Variants in TCF7L2 observed in about 807,000 individuals in gnomAD.
The protein encoded by TCF7L2 is transcription factor 7-like 2.
Under a neutral mutation model 77.9 loss-of-function variants are expected in TCF7L2, and 23 were observed. The ratio of observed to expected loss-of-function variants is 0.30; its 90% confidence interval spans 0.21 to 0.42. TCF7L2 has a LOEUF of 0.42. TCF7L2 is among the 10% of genes least tolerant of loss of function. The pLI, the probability that TCF7L2 is intolerant of heterozygous loss-of-function variation, is 1.00. For missense variants in TCF7L2, 654 were observed against 793.1 expected (o/e 0.82, Z 2.11); for synonymous variants, 413 against 340.2 (o/e 1.21, Z -2.36).
At chr10:113,077,795 G>C (rs1288203822) in intron 5 of TCF7L2, among the ~76,000 whole-genome samples, 3 of 150,524 alleles carry the variant, frequency 2.0e-5, no homozygotes, top group Non-Finnish European at 4.4e-5. Flanking sequence ...TGCCTCCCAG[G>C]TTCAGGCGAT....
chr10:112,996,420 A>C (rs2043497784), intron 4 of TCF7L2, among the ~76,000 whole-genome samples: 1 of 152,084 alleles, frequency 6.6e-6, no homozygotes, highest in African/African-American at 2.4e-5. Context: ...TAAGATACTA[A>C]AGGAAATATT....
intron 5 of TCF7L2, among the ~76,000 whole-genome samples, chr10:113,058,488 T>A (rs557498920): frequency 6.6e-6 from 1 of 152,206 alleles, no homozygotes; most frequent in East Asian, 1.9e-4. Context: ...GGTTTTGGTG[T>A]CAGGTCCCCG....
chr10:113,036,159 A>G (rs865836804), intron 4 of TCF7L2, among the ~76,000 whole-genome samples: 1 of 125,112 alleles, frequency 8.0e-6, no homozygotes, highest in Non-Finnish European at 1.7e-5. Context: ...CATCATCATC[A>G]TCATCTGCCC....
At chr10:113,160,485 T>A (rs1054995371) in intron 12 of TCF7L2, 22 of 640,620 alleles carry the variant, frequency 3.4e-5, no homozygotes, top group Non-Finnish European at 4.7e-5. Flanking sequence ...TCCTTTCATG[T>A]CCTTGGTGAG....
At chr10:112,969,629 A>T (rs55931980) in intron 4 of TCF7L2, among the ~76,000 whole-genome samples, 5,239 of 152,330 alleles carry the variant, frequency 0.034, 122 homozygotes, top group Non-Finnish European at 0.051. Context: ...TATGTGAGTG[A>T]TACGTGTAGG....
At chr10:112,980,868 C>T (rs1373549479) in intron 4 of TCF7L2, among the ~76,000 whole-genome samples, 5 of 152,122 alleles carry the variant, frequency 3.3e-5, no homozygotes, top group Admixed American at 6.5e-5. Context: ...CCTCGTGATC[C>T]GCCCGCCTCA....
chr10:112,986,704 T>C (rs1484046659), intron 4 of TCF7L2, among the ~76,000 whole-genome samples: 1 of 152,184 alleles, frequency 6.6e-6, no homozygotes, highest in Non-Finnish European at 1.5e-5. Flanking sequence ...GCATTTTCTG[T>C]GTACCTCCCT....
chr10:113,056,643 T>G (rs568239785), intron 5 of TCF7L2, among the ~76,000 whole-genome samples: 2 of 152,278 alleles, frequency 1.3e-5, no homozygotes, highest in South Asian at 4.1e-4. Context: ...ACTCTGAGGA[T>G]TTAGGTAACC....
intron 5 of TCF7L2, among the ~76,000 whole-genome samples, chr10:113,077,006 A>G (rs2058762550): frequency 6.6e-6 from 1 of 152,194 alleles, no homozygotes; most frequent in Admixed American, 6.5e-5. Context: ...GCATGTCTGT[A>G]TGATCCACCT....
chr10:113,154,706 G>A (rs1436314510), intron 11 of TCF7L2, among the ~76,000 whole-genome samples: 6 of 152,192 alleles, frequency 3.9e-5, no homozygotes, highest in Admixed American at 1.3e-4. Context: ...TTAGGCACTC[G>A]AAATGACTTT....
At position 113,166,566 on chromosome 10, in the gene TCF7L2, T is replaced by C; in HGVS notation, c.*594T>C. 1 of 226,346 alleles carries C rather than the reference T, an allele frequency of 4.4e-6. No individual in the cohort carries two copies. Among genetic ancestry groups the C allele is most frequent in the Non-Finnish European group, 8.8e-6 (1 of 113,814 alleles). The allele number at this position is 226,346 out of a possible 1,614,324, so 14.0% of individuals were successfully genotyped here. Reference sequence around the variant, plus strand: ...TAATATACCTTGTTCCATGGTGTTGTTCTTTTGGGGGGAGGGGACGCTACT... The same window carrying C: ...TAATATACCTTGTTCCATGGTGTTGCTCTTTTGGGGGGAGGGGACGCTACT... On this transcript the variant is annotated 3_prime_UTR_variant, in exon 14 of 14. Transcript: ENST00000627217.
At position 112,979,724 on chromosome 10, in the gene TCF7L2, C is replaced by G. The variant is rs191230670; in HGVS notation, c.450+15100C>G. On this transcript the variant is annotated intron_variant, in intron 4 of 13. Coordinates refer to ENST00000627217, the MANE Select transcript of TCF7L2 (RefSeq NM_001146274.2). ...TGAGCAGAGATGGCGCCACTGTACT[C>G]CAGCCTAGGTGACGGAGCAAGACCC... is the stretch of plus-strand genomic sequence containing the variant. Among the ~76,000 whole-genome samples, 455 of 151,664 alleles carry G rather than the reference C, an allele frequency of 3.0e-3. 3 individuals are homozygous for G. The highest frequency in any genetic ancestry group is 0.01 in the African/African-American group (426 of 41,286).
chr10:113,066,980 C>T (rs1337778060), intron 5 of TCF7L2, among the ~76,000 whole-genome samples: 2 of 152,038 alleles, frequency 1.3e-5, no homozygotes, highest in East Asian at 1.9e-4. Context: ...CTTCAGAAGG[C>T]GATATTAGAG....
chr10:113,099,405 G>T (rs6585205), intron 5 of TCF7L2, among the ~76,000 whole-genome samples: 108,548 of 152,004 alleles, frequency 0.71, 39,209 homozygotes, highest in African/African-American at 0.8. Context: ...CCTGCCCCAC[G>T]ACTTAGATGA....
chr10:113,000,759 T>C (rs1433929094), intron 4 of TCF7L2, among the ~76,000 whole-genome samples: 3 of 152,256 alleles, frequency 2.0e-5, no homozygotes, highest in Non-Finnish European at 4.4e-5. Flanking sequence ...GAGTGTGAGA[T>C]ATGGATACCC....
At chr10:112,977,570 G>A (rs747003780) in intron 4 of TCF7L2, among the ~76,000 whole-genome samples, 3 of 152,222 alleles carry the variant, frequency 2.0e-5, no homozygotes, top group East Asian at 1.9e-4. Flanking sequence ...TTGAACTGGC[G>A]TGATGTTAGC....
In TCF7L2 at chr10:113,030,315, G is replaced by T. The variant is rs558268043; in HGVS notation, c.451-9710G>T. Among the ~76,000 whole-genome samples the T allele has an allele frequency of 4.6e-5, 7 of 152,248 alleles. No individual in the cohort carries two copies. In the South Asian group the frequency reaches 1.5e-3, roughly 32 times the overall value. On this transcript the variant is annotated intron_variant, in intron 4 of 13. Transcript: ENST00000627217. ...CCGCATTTTAGTTATCCAGCTATCG[G>T]TTGAGACTTGGTGCATTCTTATCCC...
chr10:113,160,209 C>T (rs1477644096), intron 12 of TCF7L2, among the ~76,000 whole-genome samples: 1 of 151,950 alleles, frequency 6.6e-6, no homozygotes, highest in Non-Finnish European at 1.5e-5. Flanking sequence ...ACTCGTGCCT[C>T]CTCGGGTCAG....
chr10:112,990,104 A>G (rs933056273), intron 4 of TCF7L2, among the ~76,000 whole-genome samples: 2 of 152,096 alleles, frequency 1.3e-5, no homozygotes, highest in African/African-American at 2.4e-5. Context: ...TATAAAGACA[A>G]TTGCCTGCCT....
Sources: allele counts gnomAD v4.1 joint callset (sites outside exome capture counted in the v4.1 genomes callset), GRCh38; gene constraint gnomAD v4.1.1; transcripts MANE v1.5; gene names NCBI Gene and HGNC (gene_info 2026-07-23, HGNC 2026-07-21).